Variants in UBR4 observed in about 807,000 individuals in gnomAD.
UBR4 encodes E3 ubiquitin-protein ligase UBR4.
UBR4 carries 124 observed loss-of-function variants against 575.6 expected under a neutral mutation model. The observed-to-expected ratio is 0.22, with a 90% CI of 0.19 to 0.25. The LOEUF (loss-of-function observed/expected upper bound fraction) is 0.25. Among genes scored for constraint, UBR4 ranks in the 10% least tolerant of loss-of-function variants. The probability of loss-of-function intolerance (pLI) is 1.00; values close to 1 mark genes in which losing one functional copy is unlikely to be tolerated. For missense variants in UBR4, 4,818 were observed against 6,478.8 expected (o/e 0.74, Z 8.80); for synonymous variants, 2,455 against 2,473.7 (o/e 0.99, Z 0.22).
chr1:19,169,561 A>G, intron 26 of UBR4, 29 bp from the exon 27 acceptor site: 1 of 1,596,816 alleles, frequency 6.3e-7, no homozygotes, highest in African/African-American at 1.3e-5. Flanking sequence ...ACAAGGAATC[A>G]TCACAAGAAA....
intron 8 of UBR4, among the ~76,000 whole-genome samples, chr1:19,195,298 TCTA>T (rs1229830511): frequency 1.4e-5 from 1 of 74,064 alleles, no homozygotes; most frequent in African/African-American, 5.5e-5. Flanking sequence ...AATAGTAAAA[TCTA>T]ATAATTTCAA....
intron 34 of UBR4, 92 bp from the exon 35 acceptor site, chr1:19,162,703 C>T: frequency 7.1e-7 from 1 of 1,414,188 alleles, no homozygotes; most frequent in Non-Finnish European, 9.4e-7. Context: ...AGCTCAAGAT[C>T]AGAGAAATGG....
intron 18 of UBR4, among the ~76,000 whole-genome samples, chr1:19,178,367 T>C (rs973791110): frequency 4.6e-5 from 7 of 152,250 alleles, no homozygotes; most frequent in African/African-American, 1.7e-4. Flanking sequence ...TGTGTTTTAA[T>C]ATTAGGAAAG....
chr1:19,172,914 G>T lies in UBR4; in HGVS notation c.3471C>A (p.Asn1157Lys), dbSNP rs776711689. 6.2e-7 allele frequency: 1 copy of T among 1,614,190 alleles called. No individual in the cohort carries two copies. Among genetic ancestry groups the T allele is most frequent in the Non-Finnish European group, 8.5e-7 (1 of 1,180,014 alleles). ...TGAGTTGCAGCGTGGCTGGAAGTAGGTTCTTGGTAATCTCAGACGACTTAT... is the reference window on the plus strand; with the variant it reads ...TGAGTTGCAGCGTGGCTGGAAGTAGTTTCTTGGTAATCTCAGACGACTTAT... ...DPHKSSEITK[N>K]LLPATLQLID... Residue 1157 changes from asparagine (N) to lysine (K), a missense_variant, in exon 25 of 106, where the codon AAC becomes AAA. This residue lies in a region of UBR4 where 1,172 missense variants were observed against 1,259.7 expected (regional missense o/e 0.93). Transcript: ENST00000375254.
chr1:19,159,628 A>C (rs2086987517), intron 39 of UBR4, among the ~76,000 whole-genome samples: 2 of 145,896 alleles, frequency 1.4e-5, no homozygotes, highest in Non-Finnish European at 3.0e-5. Flanking sequence ...TTTGAGAGAG[A>C]GTCTCACTCC....
rs750354360 is a variant in UBR4, at chr1:19,173,467, C to T, written c.3137G>A (p.Arg1046Gln). ...LHTLRWSSRL[R>Q]ISSYVNWIKD... Reference sequence around the variant, plus strand: ...TATCCAGTTGACATAGGAGCTGATCCGGAGCCGAGAAGACCATCGCAGAGT... The same window carrying T: ...TATCCAGTTGACATAGGAGCTGATCTGGAGCCGAGAAGACCATCGCAGAGT... Residue 1046 changes from arginine to glutamine, a missense_variant, in exon 23 of 106, where the codon CGG becomes CAG. By Grantham distance (43) the Arg-to-Gln change is conservative. Coordinates refer to ENST00000375254, the MANE Select transcript of UBR4 (RefSeq NM_020765.3). 13 of 1,613,920 alleles carry T rather than the reference C, an allele frequency of 8.1e-6. No homozygotes were observed. Among genetic ancestry groups the T allele is most frequent in the South Asian group, 3.3e-5 (3 of 91,076 alleles).
intron 54 of UBR4, 148 bp from the exon 55 acceptor site, chr1:19,144,239 G>A: frequency 1.5e-6 from 1 of 650,658 alleles, no homozygotes; most frequent in South Asian, 1.8e-5. Context: ...AAGTTCAGCA[G>A]GTTAAGTTAA....
At position 19,118,975 on chromosome 1, in the gene UBR4, A is replaced by G. The variant is rs919487768; in HGVS notation, c.10456-18T>C. 3.6e-5 allele frequency: 58 copies of G among 1,612,008 alleles called. No homozygotes were observed. The highest frequency in any genetic ancestry group is 1.6e-4 in the Middle Eastern group (1 of 6,076). On this transcript the variant is annotated intron_variant, in intron 70 of 105. Transcript: ENST00000375254. ...TCCTTCAACTGAAACAGAATTCAGT[A>G]AAGAAACAACTTAAAGCCCAAGGTG...
chr1:19,091,528 T>C (rs1049226997), intron 97 of UBR4, among the ~76,000 whole-genome samples: 1 of 152,152 alleles, frequency 6.6e-6, no homozygotes, highest in African/African-American at 2.4e-5. Context: ...GCAAAAGACA[T>C]GAACAGACAT....
Position 19,152,500 on chromosome 1 carries a change from T to C in UBR4, c.6833-24A>G. On this transcript the variant is annotated intron_variant, in intron 46 of 105. Transcript: ENST00000375254. The surrounding 1 kb of genome is among the most constrained non-coding windows in gnomAD (Gnocchi z 4.4). The stretch of plus-strand genomic sequence containing the variant: ...TGCTGCAGAGAACGGTACCAGATCG[T>C]CAAGAGTCTCTCCCACCTCTGCCCC... The C allele has an allele frequency of 6.2e-7, 1 of 1,612,732 alleles. No individual in the cohort carries two copies. The highest frequency in any genetic ancestry group is 8.5e-7 in the Non-Finnish European group (1 of 1,179,574).
Position 19,100,242 on chromosome 1 carries a change from A to G in UBR4, c.13221+134T>C. The G allele has an allele frequency of 1.1e-6, 1 of 898,006 alleles. No individual in the cohort carries two copies. Among genetic ancestry groups the G allele is most frequent in the Non-Finnish European group, 1.7e-6 (1 of 571,574 alleles). The allele number at this position is 898,006 out of a possible 1,614,324, so 55.6% of individuals were successfully genotyped here. A position where few individuals can be genotyped will look rare whatever the true frequency, so the allele number is the denominator to read the frequency against. ...TAGAAAGGTGGGAATCATTAACCCC[A>G]ACTTACAGAGTGGAGAAACTGAAGG... On this transcript the variant is annotated intron_variant, in intron 89 of 105. Coordinates refer to ENST00000375254, the MANE Select transcript of UBR4 (RefSeq NM_020765.3). The surrounding 1 kb of genome is among the most constrained non-coding windows in gnomAD (Gnocchi z 4.2).
At chr1:19,131,868 C>T (rs1321994417) in intron 60 of UBR4, among the ~76,000 whole-genome samples, 2 of 152,070 alleles carry the variant, frequency 1.3e-5, no homozygotes, top group African/African-American at 2.4e-5. Flanking sequence ...AGTGAAACTA[C>T]GTCTGAAAAA....
In UBR4 at chr1:19,122,981, T is replaced by C; in HGVS notation, c.9668A>G (p.Lys3223Arg). The part of the protein sequence containing the change: ...LLLFICGSKE[K>R]YRQLRDLHTL... ...GTGCAAATCCCGGAGCTGGCGGTAC[T>C]TCTCTTTGGATCCACAGATGAAGAG... The change falls in exon 66 of 106, where the codon AAG becomes AGG. Residue 3223 changes from lysine (K) to arginine (R), a missense_variant. This residue lies in a region of UBR4 where 550 missense variants were observed against 791.5 expected (regional missense o/e 0.69). Transcript: ENST00000375254. 1 of 1,614,234 alleles carries C rather than the reference T, an allele frequency of 6.2e-7. No homozygotes were observed. Among genetic ancestry groups the C allele is most frequent in the Non-Finnish European group, 8.5e-7 (1 of 1,180,040 alleles).
At chr1:19,118,047 C>G in intron 71 of UBR4, 137 bp from the exon 72 acceptor site, 1 of 713,026 alleles carries the variant, frequency 1.4e-6, no homozygotes, top group South Asian at 1.8e-5. Context: ...AGTGAGAACT[C>G]AAGGACACAG....
At chr1:19,198,119 G>A (rs975666254) in intron 5 of UBR4, 70 bp from the exon 6 acceptor site, 3 of 1,441,400 alleles carry the variant, frequency 2.1e-6, no homozygotes, top group Non-Finnish European at 2.9e-6. Context: ...AAAGTGAGCA[G>A]TAGCTGCACG....
intron 52 of UBR4, among the ~76,000 whole-genome samples, chr1:19,146,386 C>G (rs2084874274): frequency 6.6e-6 from 1 of 152,146 alleles, no homozygotes; most frequent in South Asian, 2.1e-4. Flanking sequence ...AGGTTTGCTA[C>G]CCAGCCAACA....
At chr1:19,135,986 A>G (rs1157765137) in intron 60 of UBR4, among the ~76,000 whole-genome samples, 2 of 152,236 alleles carry the variant, frequency 1.3e-5, no homozygotes, top group African/African-American at 4.8e-5. Flanking sequence ...AACAGTTAAA[A>G]TAGGAGGTGA....
rs751039818 is a variant in UBR4 at position 19,106,625 on chromosome 1, C to T, written c.12337G>A (p.Gly4113Arg). Residue 4113 changes from glycine to arginine, a missense_variant, in exon 83 of 106, where the codon GGG becomes AGG. This residue lies in a region of UBR4 where 178 missense variants were observed against 175.5 expected (regional missense o/e 1.01). Coordinates refer to ENST00000375254, the MANE Select transcript of UBR4 (RefSeq NM_020765.3). ...WRWKQFLSRR[G>R]KRTSPLDLKL... ...AGATCCAAGGGGGAGGTCCTCTTCCCCCGACGACTCAGGAACTGTTTCCAC... is the reference window on the plus strand; with the variant it reads ...AGATCCAAGGGGGAGGTCCTCTTCCTCCGACGACTCAGGAACTGTTTCCAC... The T allele has an allele frequency of 1.9e-6, 3 of 1,604,622 alleles. No homozygotes were observed. The highest frequency in any genetic ancestry group is 2.2e-5 in the East Asian group (1 of 44,838).
intron 8 of UBR4, among the ~76,000 whole-genome samples, chr1:19,195,637 G>A (rs182993206): frequency 5.9e-5 from 9 of 152,240 alleles, no homozygotes; most frequent in South Asian, 2.1e-4. Flanking sequence ...AGCTATGAGA[G>A]AACATATTTT....
Sources: allele counts gnomAD v4.1 joint callset (sites outside exome capture counted in the v4.1 genomes callset), GRCh38; gene constraint gnomAD v4.1.1; regional missense constraint gnomAD v4.1.1; non-coding constraint Gnocchi (gnomAD v3.1); transcripts MANE v1.5; gene names NCBI Gene and HGNC (gene_info 2026-07-23, HGNC 2026-07-21).